The following NEDD4 variants were observed in gnomAD, a reference collection of about 807,000 sequenced individuals.
The protein encoded by NEDD4 is NEDD4 E3 ubiquitin protein ligase.
In NEDD4, 99 loss-of-function variants were observed where a neutral mutation model predicts 144.9. That is an observed-to-expected ratio of 0.68 (90% CI 0.58 to 0.81). The LOEUF is 0.81. NEDD4 is among the 30% of genes least tolerant of loss of function. The pLI, the probability that NEDD4 is intolerant of heterozygous loss-of-function variation, is 0.00. For missense variants in NEDD4, 985 were observed against 1,065.9 expected, an observed-to-expected ratio of 0.92 and a Z score of 1.06; for synonymous variants, 318 against 350.6, an observed-to-expected ratio of 0.91 and a Z score of 1.04.
intron 24 of NEDD4, 125 bp from the exon 25 acceptor site, chr15:55,834,411 G>T: frequency 1.6e-6 from 1 of 629,792 alleles, no homozygotes; most frequent in South Asian, 1.9e-5. Flanking sequence ...ACAATCACGG[G>T]CTCTTCACTG....
chr15:55,916,265 A>C (rs113176671), intron 5 of NEDD4: 45,638 of 1,614,050 alleles, frequency 0.028, 743 homozygotes, highest in Non-Finnish European at 0.033. Flanking sequence ...TATAACTACT[A>C]CTGTCACTGA....
At chr15:55,980,559 A>T (rs1465413251) in intron 1 of NEDD4, among the ~76,000 whole-genome samples, 3 of 152,218 alleles carry the variant, frequency 2.0e-5, no homozygotes, top group African/African-American at 7.2e-5. Context: ...GCCACCAAAC[A>T]AAGGAATAAA....
chr15:55,834,118 C>T lies in NEDD4; in HGVS notation c.2350G>A (p.Asp784Asn), dbSNP rs370100375. The change falls in exon 26 of 29, where the codon GAT becomes AAT. Residue 784 changes from aspartate (D) to asparagine (N), a missense_variant. Physicochemically the swap from Asp to Asn is conservative, Grantham distance 23 (BLOSUM62 1). Coordinates refer to ENST00000435532, the MANE Select transcript of NEDD4 (RefSeq NM_006154.4). Reference protein sequence around the residue: ...ELLMCGLGDVDVNDWREHTKY... With the variant: ...ELLMCGLGDVNVNDWREHTKY... The stretch of plus-strand genomic sequence containing the variant: ...GTATGTTCCCTCCAGTCATTCACAT[C>T]AACATCTCCCAGTCCACACATAAGA... The T allele has an allele frequency of 4.6e-5, 75 of 1,613,516 alleles. No individual in the cohort carries two copies. Among genetic ancestry groups the T allele is most frequent in the Non-Finnish European group, 5.8e-5 (69 of 1,179,958 alleles).
chr15:55,884,038 T>C (rs1018334216), intron 5 of NEDD4, among the ~76,000 whole-genome samples: 8 of 151,974 alleles, frequency 5.3e-5, no homozygotes, highest in African/African-American at 4.8e-5. Flanking sequence ...TGCCACCATG[T>C]CTGGCTAATG....
chr15:55,838,834 A>T (rs1260403915), intron 21 of NEDD4, among the ~76,000 whole-genome samples: 1 of 152,138 alleles, frequency 6.6e-6, no homozygotes, highest in Non-Finnish European at 1.5e-5. Context: ...CAATTAATCA[A>T]TTGGTGCCTA....
chr15:55,878,811 GTTTT>G (rs1448672191), intron 5 of NEDD4, among the ~76,000 whole-genome samples: 1 of 152,146 alleles, frequency 6.6e-6, no homozygotes, highest in Admixed American at 6.5e-5. Flanking sequence ...AAGAAAAGTG[GTTTT>G]TTTGTTTGTT....
At chr15:55,976,900 T>C (rs2037710526) in intron 1 of NEDD4, among the ~76,000 whole-genome samples, 1 of 152,160 alleles carries the variant, frequency 6.6e-6, no homozygotes, top group Non-Finnish European at 1.5e-5. Flanking sequence ...CCCGAAGTGC[T>C]GGGATTACAG....
chr15:55,947,323 G>A (rs1436151968), intron 4 of NEDD4, among the ~76,000 whole-genome samples: 1 of 151,760 alleles, frequency 6.6e-6, no homozygotes, highest in African/African-American at 2.4e-5. Context: ...TGATAAAGGG[G>A]ATATCACCAC....
intron 24 of NEDD4, among the ~76,000 whole-genome samples, chr15:55,835,238 G>A (rs1297608866): frequency 1.3e-5 from 2 of 152,038 alleles, no homozygotes; most frequent in Non-Finnish European, 2.9e-5. Flanking sequence ...AAATTGTTCT[G>A]GAAAAAGTCA....
chr15:55,860,636 AG>A (rs1336755325), intron 10 of NEDD4, 24 bp downstream of exon 10: 1 of 1,613,676 alleles, frequency 6.2e-7, no homozygotes, highest in Non-Finnish European at 8.5e-7. Flanking sequence ...GTGTCTTTCA[AG>A]GAGAACTAGG....
At chr15:55,973,376 A>AAAAC (rs1264603259) in intron 1 of NEDD4, among the ~76,000 whole-genome samples, 3 of 152,042 alleles carry the variant, frequency 2.0e-5, no homozygotes, top group Admixed American at 2.0e-4. Context: ...CTATCTCTTA[A>AAAAC]AAACAAACAA....
chr15:55,878,036 CTGA>C (rs1265342215), intron 5 of NEDD4, among the ~76,000 whole-genome samples: 4 of 152,056 alleles, frequency 2.6e-5, no homozygotes, highest in African/African-American at 9.7e-5. Flanking sequence ...CCAGAGAACC[CTGA>C]TAAATTTTAC....
chr15:55,852,380 A>C, intron 13 of NEDD4, 44 bp downstream of exon 13: 1 of 1,586,446 alleles, frequency 6.3e-7, no homozygotes, highest in Non-Finnish European at 8.6e-7. Flanking sequence ...GGGATGTGAC[A>C]GTTTAAATCC....
intron 4 of NEDD4, among the ~76,000 whole-genome samples, chr15:55,933,916 G>C (rs552436181): frequency 3.3e-5 from 5 of 152,150 alleles, no homozygotes; most frequent in Admixed American, 2.0e-4. Context: ...CACTTTGGTA[G>C]GCCGAGGCAG....
At chr15:55,901,779 C>G (rs1217586425) in intron 5 of NEDD4, among the ~76,000 whole-genome samples, 2 of 152,070 alleles carry the variant, frequency 1.3e-5, no homozygotes, top group African/African-American at 4.8e-5. Context: ...TGGCACTTTA[C>G]AGTTTACAGT....
At chr15:55,971,397 AG>A (rs1446955334) in intron 1 of NEDD4, among the ~76,000 whole-genome samples, 2 of 152,028 alleles carry the variant, frequency 1.3e-5, no homozygotes, top group African/African-American at 4.8e-5. Flanking sequence ...GGCTGAGGCG[AG>A]TGGATCTCTT....
intron 5 of NEDD4, chr15:55,905,367 GT>G (rs1426924406): frequency 4.6e-6 from 2 of 437,118 alleles, no homozygotes; most frequent in Admixed American, 2.6e-5. Flanking sequence ...CAATTGGGGG[GT>G]TTCCCAACAG....
chr15:55,892,094 C>T (rs1327293894), intron 5 of NEDD4, among the ~76,000 whole-genome samples: 2 of 151,876 alleles, frequency 1.3e-5, no homozygotes, highest in East Asian at 1.9e-4. Flanking sequence ...GGCCAAACCC[C>T]GTCTCTACTA....
intron 5 of NEDD4, chr15:55,916,046 A>G (rs375563116): frequency 1.2e-5 from 19 of 1,613,824 alleles, no homozygotes; most frequent in Middle Eastern, 1.6e-4. Context: ...AGGAGGAGTA[A>G]CGTTTTAGTG....
Sources: gnomAD v4.1 joint callset for allele counts (sites outside exome capture counted in the v4.1 genomes callset) on GRCh38, gnomAD v4.1.1 for gene constraint, MANE v1.5 for transcripts, NCBI Gene and HGNC (gene_info 2026-07-23, HGNC 2026-07-21) for gene names.